BCL2L1: variants seen among roughly 807,000 people sequenced by gnomAD.
The protein encoded by BCL2L1 is bcl-2-like protein 1.
BCL2L1 carries 1 observed loss-of-function variant against 18.7 expected under a neutral mutation model. The ratio of observed to expected loss-of-function variants is 0.05; its 90% CI spans 0.02 to 0.25. The LOEUF is 0.25. BCL2L1 is among the 10% of genes least tolerant of loss of function. The probability of loss-of-function intolerance (pLI) is 1.00; values close to 1 mark genes in which losing one functional copy is unlikely to be tolerated. For synonymous variants in BCL2L1, 103 were observed against 122.7 expected (o/e 0.84, Z 1.06); for missense variants, 207 against 304.9 (o/e 0.68, Z 2.39).
At chr20:31,723,247 GGCAGTTGGGGATT>G, upstream of BCL2L1, 1 of 980,458 alleles carries the variant, frequency 1.0e-6, no homozygotes, top group African/African-American at 1.7e-5. Flanking sequence ...CCCAGAACGT[GGCAGTTGGGGATT>G]GCCGGGTCCT....
intron 2 of BCL2L1, among the ~76,000 whole-genome samples, chr20:31,674,444 G>A (rs769420482): frequency 3.3e-5 from 5 of 152,152 alleles, no homozygotes; most frequent in African/African-American, 9.7e-5. Context: ...TACTCCTAAC[G>A]TTGATGCAGT....
intron 2 of BCL2L1, among the ~76,000 whole-genome samples, chr20:31,683,769 CAAAAAAAAAAAAAAA>C (rs372160646): frequency 1.6e-4 from 13 of 80,714 alleles, no homozygotes; most frequent in East Asian, 1.9e-3. Flanking sequence ...AACTCCATCT[CAAAAAAAAAAAAAAA>C]AAAAAAAAAA....
intron 2 of BCL2L1, chr20:31,713,270 A>T (rs375222689): frequency 1.0e-6 from 1 of 985,048 alleles, no homozygotes; most frequent in Non-Finnish European, 1.2e-6. Context: ...GTAGAAAGGC[A>T]TTTTCTAAAT....
intron 2 of BCL2L1, among the ~76,000 whole-genome samples, chr20:31,681,423 G>A (rs1004529875): frequency 3.9e-5 from 6 of 152,028 alleles, no homozygotes; most frequent in African/African-American, 1.4e-4. Flanking sequence ...CGAGGTGAGA[G>A]GACTGCTTGA....
At position 31,722,372 on chromosome 20, in the gene BCL2L1, T is replaced by C. The variant is rs1300991790; in HGVS notation, c.-130-24A>G. ...AGCTTCAGGAAAAAAAAATAATTAA[T>C]ATGCATGCCATTTACCCTAAAAATT... On this transcript the variant is annotated intron_variant, in intron 1 of 2. Coordinates refer to ENST00000307677, the MANE Select transcript of BCL2L1 (RefSeq NM_138578.3). The C allele has an allele frequency of 7.6e-6, 4 of 529,590 alleles. No individual in the cohort carries two copies. In the Admixed American group the frequency reaches 1.5e-4, roughly 20 times the overall value. 32.8% of individuals were successfully genotyped at this position (529,590 alleles called of 1,614,324 possible). A position where few individuals can be genotyped will look rare whatever the true frequency, so the allele number is the denominator to read the frequency against.
chr20:31,697,442 CT>C (rs781576582), intron 2 of BCL2L1, among the ~76,000 whole-genome samples: 658 of 142,216 alleles, frequency 4.6e-3, no homozygotes, highest in Admixed American at 4.9e-3. Context: ...AGGTGACTTT[CT>C]TTTTTTTTTT....
intron 2 of BCL2L1, among the ~76,000 whole-genome samples, chr20:31,670,215 C>T (rs2060646886): frequency 6.6e-6 from 1 of 152,210 alleles, no homozygotes; most frequent in African/African-American, 2.4e-5. Context: ...TAGCTAGCCT[C>T]TGCGGGTCTT....
chr20:31,676,361 A>C (rs1356801564), intron 2 of BCL2L1, among the ~76,000 whole-genome samples: 1 of 152,156 alleles, frequency 6.6e-6, no homozygotes, highest in Non-Finnish European at 1.5e-5. Context: ...GAGAGGATAA[A>C]TCACCCTCCC....
chr20:31,702,522 T>C (rs113774021), intron 2 of BCL2L1, among the ~76,000 whole-genome samples: 1,976 of 152,138 alleles, frequency 0.013, 39 homozygotes, highest in African/African-American at 0.046. Context: ...TTTTTTATTT[T>C]TATTTTTTGA....
intron 2 of BCL2L1, among the ~76,000 whole-genome samples, chr20:31,717,834 A>T (rs2061561313): frequency 6.6e-6 from 1 of 152,230 alleles, no homozygotes; most frequent in South Asian, 2.1e-4. Context: ...CGTTTCTATC[A>T]GGCTAAGGGA....
intron 2 of BCL2L1, among the ~76,000 whole-genome samples, chr20:31,705,016 C>G (rs1370287864): frequency 1.3e-5 from 2 of 152,176 alleles, no homozygotes; most frequent in East Asian, 3.8e-4. Flanking sequence ...CTACAGACAA[C>G]TACAATGCTG....
chr20:31,723,254 G>A (rs1457198509), upstream of BCL2L1: 1 of 983,558 alleles, frequency 1.0e-6, no homozygotes, highest in African/African-American at 1.7e-5. Context: ...CGTGGCAGTT[G>A]GGGATTGCCG....
intron 2 of BCL2L1, among the ~76,000 whole-genome samples, chr20:31,677,254 T>C (rs1464965154): frequency 6.6e-6 from 1 of 150,922 alleles, no homozygotes; most frequent in African/African-American, 2.4e-5. Flanking sequence ...CAATCTTGGC[T>C]CACTGCAACC....
At chr20:31,676,434 T>C (rs1002839370) in intron 2 of BCL2L1, among the ~76,000 whole-genome samples, 15 of 151,988 alleles carry the variant, frequency 9.9e-5, no homozygotes, top group East Asian at 1.9e-4. Context: ...GTCTCCAGAG[T>C]CCAAACATTT....
chr20:31,691,152 C>CAAAAAAAAAAAAAAAAAA (rs539012918), intron 2 of BCL2L1, among the ~76,000 whole-genome samples: 1 of 24,838 alleles, frequency 4.0e-5, no homozygotes, highest in Non-Finnish European at 7.6e-5. Flanking sequence ...GACTCTGTCT[C>CAAAAAAAAAAAAAAAAAA]AAAAAAAAAA....
In BCL2L1 at chr20:31,665,795, T is replaced by C. The variant is rs2060577024; in HGVS notation, c.*154A>G. On this transcript the variant is annotated 3_prime_UTR_variant, in exon 3 of 3. Coordinates refer to ENST00000307677, the MANE Select transcript of BCL2L1 (RefSeq NM_138578.3). ...AGAAGTGTGATAAATTCTAGAAAAC[T>C]AGCTGCAAGGGACCAGATCTGGGCC... 1.0e-6 allele frequency: 1 copy of C among 979,058 alleles called. No individual in the cohort carries two copies. The highest frequency in any genetic ancestry group is 1.7e-5 in the South Asian group (1 of 59,172). The allele number at this position is 979,058 out of a possible 1,614,324, so 60.6% of individuals were successfully genotyped here. A position where few individuals can be genotyped will look rare whatever the true frequency, so the allele number is the denominator to read the frequency against.
chr20:31,675,168 GGGCCCA>G (rs1309441360), intron 2 of BCL2L1, among the ~76,000 whole-genome samples: 1 of 152,184 alleles, frequency 6.6e-6, no homozygotes, highest in East Asian at 1.9e-4. Context: ...TGACTCTGGA[GGGCCCA>G]GGCCCATTGC....
rs569178458 is a variant in BCL2L1, at chr20:31,712,547, G to A, written c.564+9108C>T. On this transcript the variant is annotated intron_variant, in intron 2 of 2. Transcript: ENST00000307677. ...AAGAGGGAGGGACTGTTTATCCTGGGACATGGGTGTCCCATGAAATAATTA... is the reference window on the plus strand; with the variant it reads ...AAGAGGGAGGGACTGTTTATCCTGGAACATGGGTGTCCCATGAAATAATTA... Among the ~76,000 whole-genome samples the A allele has an allele frequency of 2.6e-5, 4 of 152,136 alleles. No individual in the cohort carries two copies. The South Asian group carries it at 8.3e-4, about 32-fold the overall frequency.
intron 2 of BCL2L1, among the ~76,000 whole-genome samples, chr20:31,670,523 C>G (rs1017180576): frequency 6.6e-6 from 1 of 152,186 alleles, no homozygotes; most frequent in African/African-American, 2.4e-5. Context: ...GCGCTGTCCC[C>G]ACAAGGGCAC....
Sources: gnomAD v4.1 joint callset for allele counts (sites outside exome capture counted in the v4.1 genomes callset) on GRCh38, gnomAD v4.1.1 for gene constraint, MANE v1.5 for transcripts, NCBI Gene and HGNC (gene_info 2026-07-23, HGNC 2026-07-21) for gene names.